The following MICU2 variants were observed in gnomAD, a reference collection of about 807,000 sequenced individuals.
The protein encoded by MICU2 is mitochondrial calcium uptake 2.
Under a neutral mutation model 60.4 loss-of-function variants are expected in MICU2, and 64 were observed. That is an observed-to-expected ratio of 1.06 (90% CI 0.87 to 1.31). MICU2 has a LOEUF of 1.31. MICU2 is among the 50% of genes most tolerant of loss of function. The probability of loss-of-function intolerance (pLI) is 0.00; values close to 1 mark genes in which losing one functional copy is unlikely to be tolerated. For synonymous variants in MICU2, 201 were observed against 175.0 expected, an observed-to-expected ratio of 1.15 and a Z score of -1.17; for missense variants, 569 against 531.0, an observed-to-expected ratio of 1.07 and a Z score of -0.70.
chr13:21,543,472 T>A (rs945143240), intron 2 of MICU2, among the ~76,000 whole-genome samples: 4 of 152,142 alleles, frequency 2.6e-5, no homozygotes, highest in Non-Finnish European at 5.9e-5. Context: ...TTCAGTAAAG[T>A]TGCAGATATA....
chr13:21,537,302 C>A (rs1457747125), intron 4 of MICU2, among the ~76,000 whole-genome samples: 1 of 152,182 alleles, frequency 6.6e-6, no homozygotes, highest in Non-Finnish European at 1.5e-5. Flanking sequence ...TCTACAACTA[C>A]ACTGATCAAT....
At chr13:21,571,971 T>C (rs962996845) in intron 1 of MICU2, among the ~76,000 whole-genome samples, 11 of 152,214 alleles carry the variant, frequency 7.2e-5, no homozygotes, top group African/African-American at 2.7e-4. Context: ...AGCCACCAAA[T>C]ATGTAAGACA....
At chr13:21,508,208 A>C (rs922327581) in intron 8 of MICU2, among the ~76,000 whole-genome samples, 14 of 150,584 alleles carry the variant, frequency 9.3e-5, no homozygotes, top group African/African-American at 3.2e-4. Context: ...TCACTACAAG[A>C]TCTGCCTCCC....
chr13:21,529,088 T>C (rs1478564294), intron 4 of MICU2, among the ~76,000 whole-genome samples: 1 of 152,200 alleles, frequency 6.6e-6, no homozygotes, highest in Non-Finnish European at 1.5e-5. Context: ...ATTTTATTTA[T>C]TAAGTGACAA....
intron 6 of MICU2, among the ~76,000 whole-genome samples, chr13:21,519,908 C>T (rs113487279): frequency 4.6e-5 from 7 of 152,232 alleles, no homozygotes; most frequent in East Asian, 1.9e-4. Context: ...GATCATGCAC[C>T]GGATGAGTTT....
rs1483632224 is a variant in MICU2, at chr13:21,604,140, C to T, written c.9G>A (p.Ala3=). The change falls in exon 1 of 12, where the codon GCG becomes GCA. Residue 3 remains alanine (A), a synonymous_variant. Coordinates refer to ENST00000382374, the MANE Select transcript of MICU2 (RefSeq NM_152726.3). ...CCACCCGCGCGCAGCTACCCGCAGCCGCCGCCATCTTTGCGGAAGCGCAGC... is the reference window on the plus strand; with the variant it reads ...CCACCCGCGCGCAGCTACCCGCAGCTGCCGCCATCTTTGCGGAAGCGCAGC... MA[A]AAGSCARVAA... The T allele has an allele frequency of 1.3e-6, 2 of 1,558,062 alleles. No individual in the cohort carries two copies. Among genetic ancestry groups the T allele is most frequent in the East Asian group, 2.4e-5 (1 of 41,040 alleles).
chr13:21,504,526 A>C (rs1419362975), intron 8 of MICU2, among the ~76,000 whole-genome samples: 1 of 152,212 alleles, frequency 6.6e-6, no homozygotes, highest in Admixed American at 6.5e-5. Flanking sequence ...TTATGATGAT[A>C]ATCTTTTCCC....
intron 8 of MICU2, among the ~76,000 whole-genome samples, chr13:21,509,290 G>T (rs527711711): frequency 6.6e-6 from 1 of 152,296 alleles, no homozygotes; most frequent in Admixed American, 6.5e-5. Flanking sequence ...TTTAGATAAA[G>T]AAATGAGCTT....
chr13:21,540,873 A>G (rs947879234), intron 2 of MICU2, among the ~76,000 whole-genome samples: 2 of 152,158 alleles, frequency 1.3e-5, no homozygotes, highest in Admixed American at 6.5e-5. Flanking sequence ...ACGTAGTCAT[A>G]TAATGCTGAT....
At chr13:21,545,979 T>C (rs1481016350) in intron 2 of MICU2, among the ~76,000 whole-genome samples, 1 of 152,176 alleles carries the variant, frequency 6.6e-6, no homozygotes, top group African/African-American at 2.4e-5. Flanking sequence ...ACTACATGTA[T>C]TGCAACATCA....
At chr13:21,552,868 C>T (rs1593341195) in intron 2 of MICU2, among the ~76,000 whole-genome samples, 2 of 152,162 alleles carry the variant, frequency 1.3e-5, no homozygotes, top group East Asian at 3.9e-4. Context: ...TAGCGTGATG[C>T]CTCCAGCTTT....
chr13:21,584,738 TTAC>T (rs1470439394), intron 1 of MICU2, among the ~76,000 whole-genome samples: 3 of 152,290 alleles, frequency 2.0e-5, no homozygotes, highest in African/African-American at 4.8e-5. Flanking sequence ...GACAATATAT[TTAC>T]TACTAATTTA....
intron 2 of MICU2, among the ~76,000 whole-genome samples, chr13:21,564,686 A>C (rs1887933311): frequency 6.6e-6 from 1 of 152,140 alleles, no homozygotes; most frequent in Admixed American, 6.5e-5. Flanking sequence ...CCAGTAAAAA[A>C]GTTTCCTTTC....
intron 1 of MICU2, among the ~76,000 whole-genome samples, chr13:21,579,626 G>T (rs1358968006): frequency 1.3e-5 from 2 of 152,164 alleles, no homozygotes; most frequent in African/African-American, 4.8e-5. Context: ...ATAGGCGTGA[G>T]CCACCACGCC....
At chr13:21,505,975 G>A (rs763906062) in intron 8 of MICU2, among the ~76,000 whole-genome samples, 1 of 152,050 alleles carries the variant, frequency 6.6e-6, no homozygotes, top group Non-Finnish European at 1.5e-5. Context: ...TGATGGTACT[G>A]AGGATGATAT....
chr13:21,494,325 G>A (rs1885938042), intron 11 of MICU2, among the ~76,000 whole-genome samples: 1 of 151,822 alleles, frequency 6.6e-6, no homozygotes, highest in Admixed American at 6.6e-5. Flanking sequence ...CAACCATGTA[G>A]ATTCTCTTTG....
chr13:21,549,646 T>C (rs1887503002), intron 2 of MICU2, among the ~76,000 whole-genome samples: 1 of 152,164 alleles, frequency 6.6e-6, no homozygotes, highest in South Asian at 2.1e-4. Context: ...GTTGTAAGTT[T>C]AAATAAGGGC....
chr13:21,555,471 T>C (rs1016440733), intron 2 of MICU2, among the ~76,000 whole-genome samples: 4 of 152,160 alleles, frequency 2.6e-5, no homozygotes, highest in Non-Finnish European at 4.4e-5. Flanking sequence ...AATTCAACAA[T>C]GCTTCATGCT....
chr13:21,537,099 AT>A (rs914983960), intron 4 of MICU2, among the ~76,000 whole-genome samples: 3 of 151,746 alleles, frequency 2.0e-5, no homozygotes, highest in African/African-American at 7.3e-5. Context: ...TGAAAAGGGG[AT>A]TTTTTTCCCT....
Sources: gnomAD v4.1 joint callset for allele counts (sites outside exome capture counted in the v4.1 genomes callset) on GRCh38, gnomAD v4.1.1 for gene constraint, MANE v1.5 for transcripts, NCBI Gene and HGNC (gene_info 2026-07-23, HGNC 2026-07-21) for gene names.